The following CACNB2 variants were observed in gnomAD, a reference collection of about 807,000 sequenced individuals.
CACNB2 encodes the protein calcium voltage-gated channel auxiliary subunit beta 2.
A neutral mutation model predicts 73.3 loss-of-function variants in CACNB2; 42 were observed. The ratio of observed to expected loss-of-function variants is 0.57; its 90% CI spans 0.45 to 0.74. The LOEUF (loss-of-function observed/expected upper bound fraction) is 0.74. Ranked by LOEUF, CACNB2 falls within the 30% of genes least tolerant of loss-of-function variation. The probability of loss-of-function intolerance (pLI) is 0.00; values close to 1 mark genes in which losing one functional copy is unlikely to be tolerated. For synonymous variants in CACNB2, 348 were observed against 310.3 expected, an observed-to-expected ratio of 1.12 and a Z score of -1.28; for missense variants, 940 against 853.0, an observed-to-expected ratio of 1.10 and a Z score of -1.27.
At chr10:18,317,067 C>G (rs545253590) in intron 2 of CACNB2, among the ~76,000 whole-genome samples, 2 of 152,202 alleles carry the variant, frequency 1.3e-5, no homozygotes, top group East Asian at 3.9e-4. Context: ...ACCTCCCATG[C>G]ACTCATAAAC....
At chr10:18,174,231 C>T (rs1453383123) in intron 2 of CACNB2, among the ~76,000 whole-genome samples, 1 of 138,044 alleles carries the variant, frequency 7.2e-6, no homozygotes, top group East Asian at 2.2e-4. Context: ...CTTCCCCTTC[C>T]CCTTCCTTCT....
chr10:18,486,833 G>A (rs2049084115), intron 3 of CACNB2, among the ~76,000 whole-genome samples: 1 of 152,202 alleles, frequency 6.6e-6, no homozygotes, highest in Non-Finnish European at 1.5e-5. Context: ...TAGTAATGAA[G>A]CATTATTGTG....
intron 1 of CACNB2, among the ~76,000 whole-genome samples, chr10:18,145,093 G>C (rs1024137792): frequency 3.3e-5 from 5 of 152,210 alleles, no homozygotes; most frequent in Admixed American, 6.5e-5. Flanking sequence ...CAGTGGGCCT[G>C]TTTGTTTTGC....
chr10:18,210,270 G>C (rs1357345904), intron 2 of CACNB2, among the ~76,000 whole-genome samples: 1 of 152,290 alleles, frequency 6.6e-6, no homozygotes, highest in South Asian at 2.1e-4. Flanking sequence ...AAGAGAAAAC[G>C]CAGCTCCAGA....
chr10:18,539,563 C>A lies in CACNB2; in HGVS notation c.1822C>A (p.Arg608Ser). ...CCACAGACACAGGGAGTCCCGGCACCGTTCCCGGGACGTGGATCGAGAGCA... is the reference window on the plus strand; with the variant it reads ...CCACAGACACAGGGAGTCCCGGCACAGTTCCCGGGACGTGGATCGAGAGCA... Reference protein sequence around the residue: ...SDHRHRESRHRSRDVDREQDH... With the variant: ...SDHRHRESRHSSRDVDREQDH... Residue 608 changes from arginine to serine, a missense_variant, in exon 14 of 14, where the codon CGT becomes AGT. Physicochemically the swap from Arg to Ser is moderately radical, Grantham distance 110. Transcript: ENST00000324631. The A allele has an allele frequency of 6.2e-7, 1 of 1,613,770 alleles. No individual in the cohort carries two copies. Among genetic ancestry groups the A allele is most frequent in the Non-Finnish European group, 8.5e-7 (1 of 1,179,980 alleles).
At chr10:18,380,018 A>G (rs962275618) in intron 2 of CACNB2, among the ~76,000 whole-genome samples, 2 of 152,106 alleles carry the variant, frequency 1.3e-5, no homozygotes, top group Admixed American at 6.6e-5. Flanking sequence ...TATGAATTTG[A>G]CTACACTGGG....
At chr10:18,359,004 G>C (rs2042043037) in intron 2 of CACNB2, among the ~76,000 whole-genome samples, 1 of 152,046 alleles carries the variant, frequency 6.6e-6, no homozygotes, top group Non-Finnish European at 1.5e-5. Flanking sequence ...TGTTATGTCA[G>C]CTTTAATACA....
At chr10:18,169,651 G>A (rs186775095) in intron 2 of CACNB2, among the ~76,000 whole-genome samples, 17 of 152,216 alleles carry the variant, frequency 1.1e-4, no homozygotes, top group South Asian at 4.2e-4. Context: ...ACTAGGTAGC[G>A]GAGATTAACA....
At chr10:18,250,261 G>T (rs1039776335) in intron 2 of CACNB2, among the ~76,000 whole-genome samples, 1 of 152,188 alleles carries the variant, frequency 6.6e-6, no homozygotes, top group African/African-American at 2.4e-5. Flanking sequence ...CCTTTTCAAA[G>T]TCCTCCAGTG....
intron 2 of CACNB2, among the ~76,000 whole-genome samples, chr10:18,154,757 C>T (rs560190474): frequency 6.6e-5 from 10 of 152,234 alleles, no homozygotes; most frequent in South Asian, 2.1e-4. Flanking sequence ...CATGAGCCAC[C>T]GCACTGGGCT....
At chr10:18,363,600 A>G (rs2042227590) in intron 2 of CACNB2, among the ~76,000 whole-genome samples, 1 of 152,220 alleles carries the variant, frequency 6.6e-6, no homozygotes, top group South Asian at 2.1e-4. Flanking sequence ...TAGTAAGCTC[A>G]AAGCTAGCAG....
chr10:18,465,307 G>T (rs1454733377), intron 3 of CACNB2, among the ~76,000 whole-genome samples: 2 of 152,300 alleles, frequency 1.3e-5, no homozygotes, highest in African/African-American at 4.8e-5. Context: ...TCCAGCCTGG[G>T]CGACAAAGCA....
chr10:18,289,281 C>CTTTTT (rs1564407541), intron 2 of CACNB2, among the ~76,000 whole-genome samples: 5 of 96,948 alleles, frequency 5.2e-5, no homozygotes, highest in African/African-American at 2.8e-4. Context: ...ATTTTTTTTT[C>CTTTTT]TTGTTTTTTT....
chr10:18,493,135 C>A (rs187612613), intron 3 of CACNB2, among the ~76,000 whole-genome samples: 18 of 152,310 alleles, frequency 1.2e-4, no homozygotes, highest in South Asian at 6.2e-4. Context: ...ATAAAGCATA[C>A]AGAGGATGTG....
At chr10:18,400,808 C>CTA in intron 2 of CACNB2, 6 of 1,438,388 alleles carry the variant, frequency 4.2e-6, no homozygotes, top group Non-Finnish European at 5.4e-6. Context: ...ATAAAGCACT[C>CTA]GAGTGTGTGT....
At chr10:18,538,113 T>G in intron 12 of CACNB2, 67 bp from the exon 13 acceptor site, 1 of 1,466,404 alleles carries the variant, frequency 6.8e-7, no homozygotes, top group Non-Finnish European at 9.6e-7. Flanking sequence ...TTCCTCCTCT[T>G]ATGGAGGTGG....
intron 2 of CACNB2, among the ~76,000 whole-genome samples, chr10:18,374,085 G>A (rs1327165192): frequency 6.6e-6 from 1 of 152,208 alleles, no homozygotes; most frequent in Non-Finnish European, 1.5e-5. Flanking sequence ...GAATGGTAGA[G>A]GAAGAAGAAG....
intron 2 of CACNB2, chr10:18,340,784 C>T: frequency 6.3e-7 from 1 of 1,582,470 alleles, no homozygotes; most frequent in Non-Finnish European, 8.5e-7. Flanking sequence ...AGACTACACA[C>T]CCCAAGCCAG....
chr10:18,246,869 C>T (rs1421916733), intron 2 of CACNB2, among the ~76,000 whole-genome samples: 1 of 152,182 alleles, frequency 6.6e-6, no homozygotes, highest in Non-Finnish European at 1.5e-5. Context: ...ACTTTGACCT[C>T]ACTGAGTGCT....
Sources: gnomAD v4.1 joint callset for allele counts (sites outside exome capture counted in the v4.1 genomes callset) on GRCh38, gnomAD v4.1.1 for gene constraint, MANE v1.5 for transcripts, NCBI Gene and HGNC (gene_info 2026-07-23, HGNC 2026-07-21) for gene names.